The following ASXL2 variants were observed in gnomAD, a reference collection of about 807,000 sequenced individuals.
ASXL2 encodes the protein putative Polycomb group protein ASXL2.
Under a neutral mutation model 122.0 loss-of-function variants are expected in ASXL2, and 23 were observed. The observed-to-expected ratio is 0.19, with a 90% confidence interval of 0.14 to 0.27. The LOEUF is 0.27. Ranked by LOEUF, ASXL2 falls within the 10% of genes least tolerant of loss-of-function variation. ASXL2 has a pLI of 1.00. For missense variants in ASXL2, 1,518 were observed against 1,713.8 expected (o/e 0.89, Z 2.02); for synonymous variants, 650 against 637.0 (o/e 1.02, Z -0.31).
At chr2:25,838,417 A>G (rs1349728023) in intron 2 of ASXL2, among the ~76,000 whole-genome samples, 1 of 152,242 alleles carries the variant, frequency 6.6e-6, no homozygotes, top group Non-Finnish European at 1.5e-5. Context: ...ATTACTGTGT[A>G]CTTTCTGGTC....
chr2:25,771,879 A>G (rs1054103593), intron 5 of ASXL2, among the ~76,000 whole-genome samples: 4 of 152,238 alleles, frequency 2.6e-5, no homozygotes, highest in African/African-American at 7.2e-5. Flanking sequence ...ATGGTCTCAC[A>G]GTAAATCTAA....
In ASXL2 at chr2:25,742,127, A is replaced by T; in HGVS notation, c.4210T>A (p.Leu1404Met). The part of the protein sequence containing the change: ...EGTPSKCYCR[L>M]KAMIMCKGCG... ...CCTTTGCACATGATCATGGCTTTCAAGCGGCAGTAACATTTCGAAGGCGTG... is the reference window on the plus strand; with the variant it reads ...CCTTTGCACATGATCATGGCTTTCATGCGGCAGTAACATTTCGAAGGCGTG... Residue 1404 changes from leucine to methionine, a missense_variant, in exon 13 of 13, where the codon TTG becomes ATG. By Grantham distance (15) the Leu-to-Met change is conservative. Around this residue, in one of 8 missense-constraint regions of ASXL2, gnomAD observed 831 missense variants for 833.1 expected, o/e 1.00. Transcript: ENST00000435504. 6.2e-7 allele frequency: 1 copy of T among 1,614,050 alleles called. No homozygotes were observed.
At chr2:25,867,936 T>C (rs941844511) in intron 1 of ASXL2, among the ~76,000 whole-genome samples, 4 of 152,310 alleles carry the variant, frequency 2.6e-5, no homozygotes, top group African/African-American at 9.6e-5. Flanking sequence ...CTCCCAAATT[T>C]TAGTATTACT....
chr2:25,789,850 A>T (rs2088805140), intron 5 of ASXL2, among the ~76,000 whole-genome samples: 1 of 152,194 alleles, frequency 6.6e-6, no homozygotes, highest in South Asian at 2.1e-4. Flanking sequence ...AAATTTTAAA[A>T]ATAGGCAAGT....
chr2:25,771,481 T>C lies in ASXL2; in HGVS notation c.463A>G (p.Ile155Val), dbSNP rs748296665. 15 of 1,613,528 alleles carry C rather than the reference T, an allele frequency of 9.3e-6. No individual in the cohort carries two copies. In the Admixed American group the frequency reaches 2.0e-4, roughly 22 times the overall value. The change falls in exon 6 of 13, where the codon ATT becomes GTT. Residue 155 changes from isoleucine (I) to valine (V), a missense_variant. Coordinates refer to ENST00000435504, the MANE Select transcript of ASXL2 (RefSeq NM_018263.6). ...TTGCTGTGCTTCTGTGATGGAGAAA[T>C]GACTTTACCTGCTGGAATGGTGGGT... is the stretch of plus-strand genomic sequence containing the variant. ...PSPTIPAGKV[I>V]SPSQKHSKKA...
At chr2:25,786,399 C>T (rs977755558) in intron 5 of ASXL2, among the ~76,000 whole-genome samples, 1 of 152,008 alleles carries the variant, frequency 6.6e-6, no homozygotes, top group South Asian at 2.1e-4. Flanking sequence ...TGCCACCACG[C>T]CCGGCTAATT....
intron 2 of ASXL2, among the ~76,000 whole-genome samples, chr2:25,837,687 A>G (rs900944335): frequency 6.6e-6 from 1 of 152,112 alleles, no homozygotes; most frequent in Non-Finnish European, 1.5e-5. Flanking sequence ...TTGTCTCTAC[A>G]AAAAATTTAA....
At chr2:25,845,311 G>T in intron 2 of ASXL2, 170 bp downstream of exon 2, 2 of 1,151,918 alleles carry the variant, frequency 1.7e-6, no homozygotes, top group Non-Finnish European at 2.5e-6. Flanking sequence ...AAAACTTTCT[G>T]GTTTTAAAAC....
Position 25,735,939 on chromosome 2 carries a change from GGTA to G in ASXL2, c.*6087_*6089del, listed in dbSNP as rs2087727777. 1 of 152,110 alleles carries G rather than the reference GGTA, an allele frequency of 6.6e-6. No individual in the cohort carries two copies. Among genetic ancestry groups the G allele is most frequent in the Non-Finnish European group, 1.5e-5 (1 of 68,014 alleles). 9.4% of individuals were successfully genotyped at this position (152,110 alleles called of 1,614,324 possible). A position where few individuals can be genotyped will look rare whatever the true frequency, so the allele number is the denominator to read the frequency against. On this transcript the variant is annotated 3_prime_UTR_variant, in exon 13 of 13. Coordinates refer to ENST00000435504, the MANE Select transcript of ASXL2 (RefSeq NM_018263.6). The stretch of plus-strand genomic sequence containing the variant: ...AATTTTCAACCTATCTTGGGAAAAA[GGTA>G]GTATTACTCCTTGAGCCTAGAACTA...
intron 3 of ASXL2, among the ~76,000 whole-genome samples, chr2:25,812,774 A>G (rs1028719338): frequency 7.9e-5 from 12 of 152,218 alleles, no homozygotes; most frequent in Middle Eastern, 3.2e-3. Flanking sequence ...AACTCCATTA[A>G]GAAGAGAATG....
At chr2:25,863,142 A>C (rs1266245118) in intron 1 of ASXL2, among the ~76,000 whole-genome samples, 1 of 151,706 alleles carries the variant, frequency 6.6e-6, no homozygotes, top group East Asian at 2.0e-4. Flanking sequence ...ATCCTAGCTA[A>C]CACGGTAAAA....
At chr2:25,749,549 G>T in intron 12 of ASXL2, 147 bp downstream of exon 12, 1 of 628,762 alleles carries the variant, frequency 1.6e-6, no homozygotes, top group South Asian at 3.1e-5. Flanking sequence ...CATTTTATTT[G>T]TGTAAGACCA....
At chr2:25,845,604 A>C in intron 1 of ASXL2, 41 bp from the exon 2 acceptor site, 1 of 895,630 alleles carries the variant, frequency 1.1e-6, no homozygotes, top group Non-Finnish European at 1.5e-6. Flanking sequence ...TTCTTATTTC[A>C]AGTTATTATA....
chr2:25,862,759 CCTG>C (rs978584565), intron 1 of ASXL2, among the ~76,000 whole-genome samples: 1 of 151,928 alleles, frequency 6.6e-6, no homozygotes, highest in Non-Finnish European at 1.5e-5. Context: ...ACCACCATGC[CCTG>C]CTAATTTTTT....
chr2:25,765,519 CTA>C (rs1183734768), intron 8 of ASXL2, among the ~76,000 whole-genome samples: 1 of 151,996 alleles, frequency 6.6e-6, no homozygotes, highest in East Asian at 1.9e-4. Flanking sequence ...GTCATTGTGG[CTA>C]TGTTACAAAA....
intron 1 of ASXL2, among the ~76,000 whole-genome samples, chr2:25,876,449 T>C (rs1212294578): frequency 1.3e-5 from 2 of 152,192 alleles, no homozygotes; most frequent in Non-Finnish European, 2.9e-5. Context: ...GAGGACTGCT[T>C]CAGCCCAGGA....
chr2:25,848,568 A>G (rs1233702202), intron 1 of ASXL2, among the ~76,000 whole-genome samples: 3 of 151,910 alleles, frequency 2.0e-5, no homozygotes, highest in Non-Finnish European at 4.4e-5. Flanking sequence ...GCTTGCAGTG[A>G]GCCGAGATTG....
chr2:25,759,989 T>C (rs2088213438), intron 8 of ASXL2, among the ~76,000 whole-genome samples: 1 of 152,160 alleles, frequency 6.6e-6, no homozygotes, highest in African/African-American at 2.4e-5. Context: ...ATATGAAGAA[T>C]GTCTAAGAAA....
At chr2:25,812,195 G>T (rs369461971) in intron 3 of ASXL2, among the ~76,000 whole-genome samples, 2 of 148,970 alleles carry the variant, frequency 1.3e-5, no homozygotes, top group Non-Finnish European at 3.0e-5. Context: ...GCAGTGGCTC[G>T]CGTCTATAAT....
Sources: allele counts gnomAD v4.1 joint callset (sites outside exome capture counted in the v4.1 genomes callset), GRCh38; gene constraint gnomAD v4.1.1; regional missense constraint gnomAD v4.1.1; transcripts MANE v1.5; gene names NCBI Gene and HGNC (gene_info 2026-07-23, HGNC 2026-07-21).